The following TJP1 variants were observed in gnomAD, a reference collection of about 807,000 sequenced individuals.
TJP1 encodes tight junction protein ZO-1.
In TJP1, 43 loss-of-function variants were observed where a neutral mutation model predicts 194.2. The ratio of observed to expected loss-of-function variants is 0.22; its 90% CI spans 0.17 to 0.29. The LOEUF (loss-of-function observed/expected upper bound fraction) is 0.29, where lower values mean the gene tolerates loss of function less well. Ranked by LOEUF, TJP1 falls within the 10% of genes least tolerant of loss-of-function variation. The pLI, the probability that TJP1 is intolerant of heterozygous loss-of-function variation, is 1.00. For synonymous variants in TJP1, 801 were observed against 779.0 expected (o/e 1.03, Z -0.47); for missense variants, 1,971 against 2,185.7 (o/e 0.90, Z 1.96).
intron 8 of TJP1, among the ~76,000 whole-genome samples, chr15:29,746,548 A>T (rs2044796387): frequency 6.6e-6 from 1 of 152,176 alleles, no homozygotes; most frequent in Non-Finnish European, 1.5e-5. Flanking sequence ...ATACCAAATA[A>T]GCAACAGTGG....
chr15:29,724,343 G>A (rs1033843415), intron 18 of TJP1, among the ~76,000 whole-genome samples: 9 of 152,132 alleles, frequency 5.9e-5, no homozygotes, highest in East Asian at 1.9e-4. Context: ...TTCTCAACTC[G>A]GTAACAGCTG....
At chr15:29,733,550 G>C (rs2043812727) in intron 12 of TJP1, among the ~76,000 whole-genome samples, 1 of 152,178 alleles carries the variant, frequency 6.6e-6, no homozygotes, top group South Asian at 2.1e-4. Context: ...CTTGTCAAAA[G>C]CCACATGCTT....
At chr15:29,959,985 T>C (rs2056095774) in intron 1 of TJP1, among the ~76,000 whole-genome samples, 1 of 152,156 alleles carries the variant, frequency 6.6e-6, no homozygotes, top group Admixed American at 6.5e-5. Flanking sequence ...AATAGAGTTA[T>C]AAAACTAAAT....
chr15:29,726,738 C>T (rs1269915776), intron 17 of TJP1, 43 bp downstream of exon 17: 1 of 1,578,710 alleles, frequency 6.3e-7, no homozygotes, highest in Non-Finnish European at 8.7e-7. Flanking sequence ...TAATGTTGCC[C>T]AGACATTGTA....
intron 2 of TJP1, among the ~76,000 whole-genome samples, chr15:29,903,018 G>A (rs1000845674): frequency 9.2e-5 from 14 of 151,932 alleles, no homozygotes; most frequent in African/African-American, 3.4e-4. Context: ...AATATGCCAG[G>A]TTTTGACCTA....
At chr15:29,830,497 TA>T (rs1246421447) in intron 2 of TJP1, among the ~76,000 whole-genome samples, 7 of 150,450 alleles carry the variant, frequency 4.7e-5, no homozygotes, top group Admixed American at 6.6e-5. Flanking sequence ...TTCAAAGTAA[TA>T]TTAACATTAT....
At chr15:29,892,677 C>A (rs550366767) in intron 2 of TJP1, among the ~76,000 whole-genome samples, 1 of 152,284 alleles carries the variant, frequency 6.6e-6, no homozygotes, top group Non-Finnish European at 1.5e-5. Flanking sequence ...AAAGGAACAA[C>A]AAAGTCGGGA....
chr15:29,743,929 C>A (rs2044593252), intron 8 of TJP1, among the ~76,000 whole-genome samples: 1 of 152,092 alleles, frequency 6.6e-6, no homozygotes, highest in Non-Finnish European at 1.5e-5. Context: ...GCCTGTATTC[C>A]CAGCATTTTG....
intron 2 of TJP1, among the ~76,000 whole-genome samples, chr15:29,779,498 C>A (rs12901062): frequency 0.082 from 12,413 of 152,182 alleles, 552 homozygotes; most frequent in African/African-American, 0.092. Context: ...TGAGTAAAAT[C>A]TTTTCTCTTT....
chr15:29,727,066 C>T, intron 16 of TJP1, 75 bp from the exon 17 acceptor site: 1 of 1,333,134 alleles, frequency 7.5e-7, no homozygotes, highest in Non-Finnish European at 1.1e-6. Context: ...CAGCTGGGTG[C>T]AGTGGCTCAC....
At chr15:29,790,928 T>C (rs184188696) in intron 2 of TJP1, among the ~76,000 whole-genome samples, 23 of 152,316 alleles carry the variant, frequency 1.5e-4, no homozygotes, top group Non-Finnish European at 1.5e-5. Flanking sequence ...ACATTTTCTT[T>C]ATCCCTTCAT....
chr15:29,942,924 G>A lies in TJP1; in HGVS notation c.306+13308C>T, dbSNP rs575171436. ...TTAAGTGAATACTCTCTGTATTTTG[G>A]TTAATCAACAATCTTTAGCACCCAT... On this transcript the variant is annotated intron_variant, in intron 2 of 28. Transcript: ENST00000356107. Among the ~76,000 whole-genome samples the A allele has an allele frequency of 9.9e-5, 15 of 152,150 alleles. 1 individual carries two copies. In the South Asian group the frequency reaches 3.1e-3, roughly 32 times the overall value.
intron 2 of TJP1, among the ~76,000 whole-genome samples, chr15:29,868,465 G>A (rs1349788834): frequency 6.6e-6 from 1 of 152,098 alleles, no homozygotes. Context: ...GCGTTCTAGA[G>A]GCCAAGGCTA....
At chr15:29,704,706 C>T (rs773494285) in intron 26 of TJP1, among the ~76,000 whole-genome samples, 1 of 152,190 alleles carries the variant, frequency 6.6e-6, no homozygotes, top group Non-Finnish European at 1.5e-5. Context: ...TGCATTCAAT[C>T]ATATGGGTCT....
chr15:29,931,021 T>A (rs1470016296), intron 2 of TJP1, among the ~76,000 whole-genome samples: 3 of 152,152 alleles, frequency 2.0e-5, no homozygotes, highest in Admixed American at 1.3e-4. Flanking sequence ...CCCCCAGAAC[T>A]TAACTACTAA....
chr15:29,817,516 T>A (rs1370375841), intron 1 of TJP1, among the ~76,000 whole-genome samples: 1 of 152,176 alleles, frequency 6.6e-6, no homozygotes, highest in Admixed American at 6.5e-5. Flanking sequence ...CATTCTCCTA[T>A]AAAGACACAT....
At chr15:29,931,106 T>C (rs559541425) in intron 2 of TJP1, among the ~76,000 whole-genome samples, 5 of 152,294 alleles carry the variant, frequency 3.3e-5, no homozygotes, top group African/African-American at 7.2e-5. Context: ...GTTATATGTA[T>C]ATACCGTATT....
chr15:29,776,128 T>C (rs553891719), intron 2 of TJP1, among the ~76,000 whole-genome samples: 1 of 152,248 alleles, frequency 6.6e-6, no homozygotes, highest in Non-Finnish European at 1.5e-5. Flanking sequence ...AATTTATTTG[T>C]ATCAGTGCAA....
rs898650901 is a variant in TJP1, at chr15:29,832,865, T to C, written c.307-32163A>G. On this transcript the variant is annotated intron_variant, in intron 2 of 28. Transcript: ENST00000356107. ...GAGATTGCTGGCAGATGGCCTGGCC[T>C]TTCTCCCCTGACACAATTCTGCAAC... Among the ~76,000 whole-genome samples, 5 of 152,210 alleles carry C rather than the reference T, an allele frequency of 3.3e-5. No individual in the cohort carries two copies. The East Asian group carries it at 5.8e-4, about 18-fold the overall frequency.
Sources: gnomAD v4.1 joint callset for allele counts (sites outside exome capture counted in the v4.1 genomes callset) on GRCh38, gnomAD v4.1.1 for gene constraint, MANE v1.5 for transcripts, NCBI Gene and HGNC (gene_info 2026-07-23, HGNC 2026-07-21) for gene names.